RELN: variants seen among roughly 807,000 people sequenced by gnomAD.
The protein encoded by RELN is reelin.
A neutral mutation model predicts 427.6 loss-of-function variants in RELN; 108 were observed. The observed-to-expected ratio is 0.25, with a 90% confidence interval of 0.22 to 0.30. The LOEUF is 0.30. Ranked by LOEUF, RELN falls within the 10% of genes least tolerant of loss-of-function variation. The pLI is 1.00. For missense variants in RELN, 3,715 were observed against 4,302.8 expected, an observed-to-expected ratio of 0.86 and a Z score of 3.82; for synonymous variants, 1,524 against 1,513.4, an observed-to-expected ratio of 1.01 and a Z score of -0.16.
In RELN at chr7:103,594,336, A is replaced by G. The variant is rs1459795220; in HGVS notation, c.3696T>C (p.Asn1232=). Residue 1232 remains asparagine (N), a synonymous_variant, in exon 26 of 65, where the codon AAT becomes AAC. Transcript: ENST00000428762. The part of the protein sequence containing the change: ...EKQKQIIPVI[N]PTLPQNFYEK... ...AGGAGAATACCTGAGGTAAAGTTGG[A>G]TTGATAACTGGGATGATCTGCTTCT... 2.5e-6 allele frequency: 4 copies of G among 1,613,826 alleles called. No homozygotes were observed. In the South Asian group the frequency reaches 3.3e-5, roughly 13 times the overall value.
At chr7:103,767,559 T>C (rs1331124454) in intron 4 of RELN, among the ~76,000 whole-genome samples, 1 of 152,196 alleles carries the variant, frequency 6.6e-6, no homozygotes, top group Non-Finnish European at 1.5e-5. Flanking sequence ...TCAATAGGAC[T>C]CATGTGGTTC....
At chr7:103,617,548 G>A (rs890645363) in intron 20 of RELN, among the ~76,000 whole-genome samples, 59 of 151,362 alleles carry the variant, frequency 3.9e-4, no homozygotes, top group African/African-American at 1.4e-3. Context: ...GTATATATGT[G>A]TAGATATATG....
chr7:103,820,571 A>C (rs1209182020), intron 3 of RELN, among the ~76,000 whole-genome samples: 1 of 151,674 alleles, frequency 6.6e-6, no homozygotes, highest in Non-Finnish European at 1.5e-5. Context: ...AAAAACTATT[A>C]ATCAAGGAGT....
In RELN at chr7:103,574,075, C is replaced by T; in HGVS notation, c.4511+17G>A. ...ATAATATGTTTGTGAAAAAGTATAC[C>T]AGTTAATACTTGTTACCTGATATTC... On this transcript the variant is annotated intron_variant, in intron 30 of 64. Transcript: ENST00000428762. 1 of 1,580,310 alleles carries T rather than the reference C, an allele frequency of 6.3e-7. No individual in the cohort carries two copies. Among genetic ancestry groups the T allele is most frequent in the Non-Finnish European group, 8.7e-7 (1 of 1,149,270 alleles).
intron 30 of RELN, among the ~76,000 whole-genome samples, chr7:103,572,521 T>C (rs958279707): frequency 1.4e-4 from 22 of 152,088 alleles, no homozygotes; most frequent in Non-Finnish European, 2.8e-4. Context: ...TATCACTTCA[T>C]TGTGACAGTC....
intron 1 of RELN, among the ~76,000 whole-genome samples, chr7:103,952,508 T>C (rs1262191169): frequency 2.0e-5 from 3 of 148,926 alleles, no homozygotes; most frequent in Non-Finnish European, 4.4e-5. Context: ...AAACCTTGCT[T>C]TAAACCTTAA....
At chr7:103,860,324 A>T (rs1046369504) in intron 2 of RELN, among the ~76,000 whole-genome samples, 2 of 152,186 alleles carry the variant, frequency 1.3e-5, no homozygotes, top group African/African-American at 4.8e-5. Flanking sequence ...TGTTTTAATT[A>T]TAATATGTAG....
intron 1 of RELN, among the ~76,000 whole-genome samples, chr7:103,955,447 C>G (rs1796413916): frequency 6.6e-6 from 1 of 152,128 alleles, no homozygotes; most frequent in Admixed American, 6.5e-5. Context: ...ATGGTTATGA[C>G]TTGGTAATTC....
chr7:103,684,949 C>G (rs1273458771), intron 10 of RELN, among the ~76,000 whole-genome samples: 2 of 152,100 alleles, frequency 1.3e-5, no homozygotes, highest in Non-Finnish European at 2.9e-5. Context: ...CAACTTAAAA[C>G]CTTTAGTAAC....
rs183911439 is a variant in RELN at position 103,853,070 on chromosome 7, C to T, written c.338-19398G>A. The stretch of plus-strand genomic sequence containing the variant: ...GATCAGAAAACTGATTGTTTCATAC[C>T]CCTTGAGGCTAAGTGATTACAAATG... On this transcript the variant is annotated intron_variant, in intron 2 of 64. Coordinates refer to ENST00000428762, the MANE Select transcript of RELN (RefSeq NM_005045.4). Among the ~76,000 whole-genome samples, 265 of 151,880 alleles carry T rather than the reference C, an allele frequency of 1.7e-3. 1 individual carries two copies. Among genetic ancestry groups the T allele is most frequent in the African/African-American group, 6.1e-3 (253 of 41,470 alleles).
chr7:103,962,345 C>T (rs1273626220), intron 1 of RELN, among the ~76,000 whole-genome samples: 3 of 152,104 alleles, frequency 2.0e-5, no homozygotes, highest in Middle Eastern at 3.2e-3. Flanking sequence ...AACTGCGGCA[C>T]TCTTTGCTTC....
rs1792058769 is a variant in RELN at position 103,787,865 on chromosome 7, G to C, written c.474-11238C>G. Among the ~76,000 whole-genome samples the C allele has an allele frequency of 3.3e-5, 5 of 152,026 alleles. No individual in the cohort carries two copies. The South Asian group carries it at 1.0e-3, about 32-fold the overall frequency. On this transcript the variant is annotated intron_variant, in intron 3 of 64. Transcript: ENST00000428762. ...CAGCATCATCCTAATACCAAAACCT[G>C]GCAGAGACACAACAAAAAAAGAAAA...
intron 6 of RELN, among the ~76,000 whole-genome samples, chr7:103,736,861 C>A (rs533715011): frequency 6.6e-6 from 1 of 152,034 alleles, no homozygotes; most frequent in Non-Finnish European, 1.5e-5. Flanking sequence ...GTTAACCTTT[C>A]TATTGTAGAT....
At chr7:103,670,619 TG>T (rs905502941) in intron 11 of RELN, among the ~76,000 whole-genome samples, 1 of 151,894 alleles carries the variant, frequency 6.6e-6, no homozygotes, top group East Asian at 1.9e-4. Flanking sequence ...GGAATTAGCA[TG>T]GGGGGGAAAT....
intron 16 of RELN, among the ~76,000 whole-genome samples, chr7:103,648,161 C>T (rs965093574): frequency 6.6e-6 from 1 of 151,994 alleles, no homozygotes; most frequent in East Asian, 1.9e-4. Context: ...AAATTGTAGT[C>T]CCCAATATTG....
At chr7:103,870,743 C>A (rs1313272150) in intron 2 of RELN, among the ~76,000 whole-genome samples, 2 of 152,066 alleles carry the variant, frequency 1.3e-5, no homozygotes, top group Admixed American at 1.3e-4. Context: ...TTGTTCTCAA[C>A]CCTGTAGCAG....
At chr7:103,866,750 T>C (rs1584312366) in intron 2 of RELN, among the ~76,000 whole-genome samples, 1 of 151,992 alleles carries the variant, frequency 6.6e-6, no homozygotes, top group Admixed American at 6.6e-5. Flanking sequence ...TACCCCAAAT[T>C]AGAAATCCTC....
intron 2 of RELN, among the ~76,000 whole-genome samples, chr7:103,897,072 T>G (rs1424399768): frequency 1.3e-5 from 2 of 151,954 alleles, no homozygotes; most frequent in Admixed American, 6.6e-5. Flanking sequence ...TCAGATCTCA[T>G]GAGACCTATT....
intron 4 of RELN, among the ~76,000 whole-genome samples, chr7:103,765,066 G>C (rs1459549737): frequency 2.6e-5 from 4 of 151,402 alleles, no homozygotes; most frequent in Non-Finnish European, 5.9e-5. Flanking sequence ...CGAAAGCCTG[G>C]CGACACACAC....
Sources: allele counts gnomAD v4.1 joint callset (sites outside exome capture counted in the v4.1 genomes callset), GRCh38; gene constraint gnomAD v4.1.1; transcripts MANE v1.5; gene names NCBI Gene and HGNC (gene_info 2026-07-23, HGNC 2026-07-21).